AZIN1: variants seen among roughly 807,000 people sequenced by gnomAD.
The protein encoded by AZIN1 is antizyme inhibitor 1.
Under a neutral mutation model 47.4 loss-of-function variants are expected in AZIN1, and 12 were observed. The observed-to-expected ratio is 0.25, with a 90% CI of 0.16 to 0.41. The LOEUF (loss-of-function observed/expected upper bound fraction) is 0.41. AZIN1 is among the 10% of genes least tolerant of loss of function. The probability of loss-of-function intolerance (pLI) is 1.00; values close to 1 mark genes in which losing one functional copy is unlikely to be tolerated. For synonymous variants in AZIN1, 155 were observed against 176.3 expected (o/e 0.88, Z 0.96); for missense variants, 410 against 532.4 (o/e 0.77, Z 2.26).
At chr8:102,838,647 T>C (rs910909375) in intron 5 of AZIN1, 97 bp downstream of exon 5, 3 of 961,090 alleles carry the variant, frequency 3.1e-6, no homozygotes, top group African/African-American at 1.7e-5. Context: ...ATACACATCA[T>C]TGCCCTACCA....
chr8:102,860,257 T>C (rs1319557815), intron 1 of AZIN1, among the ~76,000 whole-genome samples: 1 of 152,192 alleles, frequency 6.6e-6, no homozygotes, highest in Non-Finnish European at 1.5e-5. Context: ...GCATTTTATG[T>C]AATTTATTTT....
At chr8:102,841,313 A>G (rs1217784521) in intron 3 of AZIN1, among the ~76,000 whole-genome samples, 5 of 152,194 alleles carry the variant, frequency 3.3e-5, no homozygotes, top group African/African-American at 1.2e-4. Context: ...AGAACACAGA[A>G]GTGTCACCCC....
intron 2 of AZIN1, among the ~76,000 whole-genome samples, chr8:102,853,666 T>C (rs558498859): frequency 4.6e-5 from 7 of 152,340 alleles, no homozygotes; most frequent in African/African-American, 1.7e-4. Context: ...ATTTTTCTGC[T>C]ACTTTACACA....
At chr8:102,850,138 G>C (rs1243429277) in intron 2 of AZIN1, 1 of 152,198 alleles carries the variant, frequency 6.6e-6, no homozygotes, top group East Asian at 1.9e-4. Context: ...CTGAAGTGAA[G>C]ACCTCCCTGG....
At chr8:102,844,783 C>G (rs959791241) in intron 2 of AZIN1, among the ~76,000 whole-genome samples, 1 of 152,138 alleles carries the variant, frequency 6.6e-6, no homozygotes, top group Non-Finnish European at 1.5e-5. Context: ...ACATCCTGAG[C>G]CAGTTACTAA....
intron 2 of AZIN1, among the ~76,000 whole-genome samples, chr8:102,856,309 G>A (rs989947889): frequency 6.6e-6 from 1 of 151,986 alleles, no homozygotes; most frequent in Non-Finnish European, 1.5e-5. Context: ...CATTGTACCC[G>A]GGCATAATAA....
At chr8:102,842,498 G>A (rs1042283934) in intron 3 of AZIN1, among the ~76,000 whole-genome samples, 2 of 152,120 alleles carry the variant, frequency 1.3e-5, no homozygotes, top group African/African-American at 4.8e-5. Context: ...CTCAGGTCAG[G>A]AGTTCGAGAC....
intron 2 of AZIN1, among the ~76,000 whole-genome samples, chr8:102,844,553 G>A (rs1346532806): frequency 6.6e-6 from 1 of 151,786 alleles, no homozygotes; most frequent in Non-Finnish European, 1.5e-5. Context: ...ACCTCGTCCT[G>A]GCTATATCAT....
At chr8:102,842,215 T>C (rs1290204246) in intron 3 of AZIN1, among the ~76,000 whole-genome samples, 3 of 152,136 alleles carry the variant, frequency 2.0e-5, no homozygotes, top group African/African-American at 7.2e-5. Flanking sequence ...GGATAAATTA[T>C]CAAATTCTCA....
At position 102,829,476 on chromosome 8, in the gene AZIN1, T is replaced by A; in HGVS notation, c.1031A>T (p.Glu344Val). Residue 344 changes from glutamate (E) to valine (V), a missense_variant, in exon 11 of 12, where the codon GAA becomes GTA. By Grantham distance (121) the Glu-to-Val change is moderately radical. Transcript: ENST00000337198. ...GCTGCTTGTAAACAGAGGCTCATCTTCCTTGTATTTCTGTAGGAAAAGTTT... is the reference window on the plus strand; with the variant it reads ...GCTGCTTGTAAACAGAGGCTCATCTACCTTGTATTTCTGTAGGAAAAGTTT... ...TIPEVHKKYK[E>V]DEPLFTSSLW... 6.3e-7 allele frequency: 1 copy of A among 1,598,862 alleles called. No homozygotes were observed. Among genetic ancestry groups the A allele is most frequent in the South Asian group, 1.1e-5 (1 of 87,754 alleles).
intron 4 of AZIN1, among the ~76,000 whole-genome samples, chr8:102,839,441 G>A (rs919267617): frequency 2.6e-5 from 4 of 152,120 alleles, no homozygotes; most frequent in African/African-American, 4.8e-5. Context: ...AAGATAAAAC[G>A]TTTCAAAGGC....
intron 2 of AZIN1, chr8:102,855,389 C>T (rs1236493436): frequency 6.6e-6 from 1 of 152,118 alleles, no homozygotes; most frequent in Non-Finnish European, 1.5e-5. Flanking sequence ...CTCACAAAAA[C>T]TTTTTCACAA....
chr8:102,855,088 G>T (rs1258538921), intron 2 of AZIN1, among the ~76,000 whole-genome samples: 3 of 152,004 alleles, frequency 2.0e-5, no homozygotes, highest in Non-Finnish European at 4.4e-5. Context: ...GAGATTTGCT[G>T]TTGTAGCCTA....
rs565778612 is a variant in AZIN1 at position 102,826,510 on chromosome 8, G to C, written c.*2057C>G. ...TAACAAAAAACTTTACATTAATTCA[G>C]AACTTTTTAGCATACCAAATTGAAA... is the stretch of plus-strand genomic sequence containing the variant. On this transcript the variant is annotated 3_prime_UTR_variant, in exon 12 of 12. Coordinates refer to ENST00000337198, the MANE Select transcript of AZIN1 (RefSeq NM_148174.4). 1.1e-3 allele frequency: 171 copies of C among 152,690 alleles called. No homozygotes were observed. Among genetic ancestry groups the C allele is most frequent in the African/African-American group, 3.9e-3 (160 of 41,556 alleles). 9.5% of individuals were successfully genotyped at this position (152,690 alleles called of 1,614,324 possible). A position where few individuals can be genotyped will look rare whatever the true frequency, so the allele number is the denominator to read the frequency against.
At chr8:102,857,919 T>C (rs1813396529) in intron 2 of AZIN1, 94 bp downstream of exon 2, 1 of 397,526 alleles carries the variant, frequency 2.5e-6, no homozygotes, top group Non-Finnish European at 4.4e-6. Context: ...AAGAGGTAAA[T>C]GCAATTTCAA....
intron 2 of AZIN1, chr8:102,855,589 G>A (rs992070168): frequency 6.6e-6 from 1 of 152,182 alleles, no homozygotes; most frequent in East Asian, 1.9e-4. Flanking sequence ...ACCTAACTCT[G>A]AAGCCAATTC....
chr8:102,833,229 T>G lies in AZIN1; in HGVS notation c.742-11A>C, dbSNP rs1336649514. ...GATAACATGATTAACCTATGGATTTTAAATGCCACAGTATGGTTTCAATAT... is the reference window on the plus strand; with the variant it reads ...GATAACATGATTAACCTATGGATTTGAAATGCCACAGTATGGTTTCAATAT... On this transcript the variant is annotated splice_polypyrimidine_tract_variant and intron_variant, in intron 8 of 11. Coordinates refer to ENST00000337198, the MANE Select transcript of AZIN1 (RefSeq NM_148174.4). 1 of 1,606,982 alleles carries G rather than the reference T, an allele frequency of 6.2e-7. No individual in the cohort carries two copies. The highest frequency in any genetic ancestry group is 1.3e-5 in the African/African-American group (1 of 74,604).
chr8:102,839,931 A>C, intron 3 of AZIN1, 108 bp from the exon 4 acceptor site: 2 of 646,172 alleles, frequency 3.1e-6, no homozygotes, highest in Non-Finnish European at 5.1e-6. Context: ...ATGGGTCAAG[A>C]CATATATTTA....
At chr8:102,828,717 C>G in intron 11 of AZIN1, 39 bp from the exon 12 acceptor site, 1 of 1,334,804 alleles carries the variant, frequency 7.5e-7, no homozygotes, top group South Asian at 1.2e-5. Context: ...TCAGTTTAAG[C>G]CCAAAGACCA....
Sources: gnomAD v4.1 joint callset for allele counts (sites outside exome capture counted in the v4.1 genomes callset) on GRCh38, gnomAD v4.1.1 for gene constraint, MANE v1.5 for transcripts, NCBI Gene and HGNC (gene_info 2026-07-23, HGNC 2026-07-21) for gene names.